The following EPHA6 variants were observed in gnomAD, a reference collection of about 807,000 sequenced individuals.
EPHA6 encodes the protein ephrin type-A receptor 6.
A neutral mutation model predicts 112.0 loss-of-function variants in EPHA6; 50 were observed. That is an observed-to-expected ratio of 0.45 (90% CI 0.36 to 0.56). EPHA6 has a LOEUF of 0.56. Among genes scored for constraint, EPHA6 ranks in the 20% least tolerant of loss-of-function variants. The pLI is 0.00. For missense variants in EPHA6, 1,280 were observed against 1,417.4 expected (o/e 0.90, Z 1.56); for synonymous variants, 529 against 490.7 (o/e 1.08, Z -1.03).
Position 97,662,917 on chromosome 3 carries a change from G to C in EPHA6, c.2784+24835G>C, listed in dbSNP as rs1323137612. ...AACAGTCAGCACTCAGGGCCTTGTC[G>C]AGGCCACCCTAAAGCCTGCTGGAAC... On this transcript the variant is annotated intron_variant, in intron 14 of 17. Transcript: ENST00000389672. Among the ~76,000 whole-genome samples the C allele has an allele frequency of 2.0e-5, 3 of 152,242 alleles. No homozygotes were observed. In the South Asian group the frequency reaches 6.2e-4, roughly 32 times the overall value.
intron 3 of EPHA6, among the ~76,000 whole-genome samples, chr3:97,027,747 C>G (rs2044692198): frequency 1.3e-5 from 2 of 152,130 alleles, no homozygotes; most frequent in South Asian, 4.1e-4. Flanking sequence ...AGTTTCTTTC[C>G]CAGGGGCATA....
intron 3 of EPHA6, among the ~76,000 whole-genome samples, chr3:97,017,671 T>A (rs1219021213): frequency 2.6e-5 from 4 of 152,180 alleles, no homozygotes; most frequent in Non-Finnish European, 5.9e-5. Flanking sequence ...GTATTGGAGC[T>A]CCATTGTACG....
chr3:97,327,923 GCATATATA>G (rs2082531227), intron 5 of EPHA6, among the ~76,000 whole-genome samples: 1 of 119,300 alleles, frequency 8.4e-6, no homozygotes, highest in African/African-American at 5.1e-5. Flanking sequence ...ATGTATATGT[GCATATATA>G]TGTATATGTG....
At chr3:97,289,429 T>C (rs1446836453) in intron 5 of EPHA6, among the ~76,000 whole-genome samples, 1 of 152,160 alleles carries the variant, frequency 6.6e-6, no homozygotes, top group Non-Finnish European at 1.5e-5. Context: ...TTCTGTTCCA[T>C]TGGTCTTTGT....
intron 3 of EPHA6, among the ~76,000 whole-genome samples, chr3:97,030,391 G>T (rs1032526187): frequency 6.6e-6 from 1 of 152,060 alleles, no homozygotes; most frequent in Admixed American, 6.6e-5. Flanking sequence ...CTACCTAGAA[G>T]CTAGCCTATT....
intron 3 of EPHA6, among the ~76,000 whole-genome samples, chr3:97,065,373 C>T (rs967777674): frequency 7.9e-5 from 12 of 152,078 alleles, no homozygotes; most frequent in African/African-American, 2.7e-4. Flanking sequence ...GGCAAAGAGT[C>T]TTTCTTCAGA....
chr3:97,667,595 T>C (rs1433538266), intron 14 of EPHA6, among the ~76,000 whole-genome samples: 2 of 152,214 alleles, frequency 1.3e-5, no homozygotes, highest in Non-Finnish European at 2.9e-5. Context: ...TAATTTAAAC[T>C]GTAGAAAAAT....
intron 10 of EPHA6, among the ~76,000 whole-genome samples, chr3:97,524,643 A>G (rs1452194902): frequency 1.3e-5 from 2 of 151,936 alleles, no homozygotes; most frequent in Non-Finnish European, 2.9e-5. Context: ...TCCCTTAAGC[A>G]TTTCTTATAA....
chr3:97,523,808 T>C (rs890543682), intron 10 of EPHA6, among the ~76,000 whole-genome samples: 1 of 151,998 alleles, frequency 6.6e-6, no homozygotes, highest in Non-Finnish European at 1.5e-5. Flanking sequence ...AATGACCTGC[T>C]TTTTCTCTTT....
intron 5 of EPHA6, among the ~76,000 whole-genome samples, chr3:97,327,628 CCT>C (rs1240208086): frequency 1.3e-5 from 2 of 151,808 alleles, no homozygotes; most frequent in Non-Finnish European, 2.9e-5. Flanking sequence ...CTCTTCATCC[CCT>C]CTCTTCTGTC....
intron 3 of EPHA6, among the ~76,000 whole-genome samples, chr3:97,204,223 ATAGT>A (rs965922084): frequency 6.6e-6 from 1 of 152,108 alleles, no homozygotes; most frequent in Admixed American, 6.6e-5. Context: ...CATTCTCCAA[ATAGT>A]TAATTAATTT....
chr3:97,294,277 C>G (rs2080800252), intron 5 of EPHA6, among the ~76,000 whole-genome samples: 1 of 152,242 alleles, frequency 6.6e-6, no homozygotes. Context: ...GCCTCCCCCA[C>G]TTCAGCCAGC....
intron 11 of EPHA6, among the ~76,000 whole-genome samples, chr3:97,544,807 G>A (rs965608547): frequency 6.6e-6 from 1 of 151,958 alleles, no homozygotes; most frequent in Non-Finnish European, 1.5e-5. Context: ...ACTTCTTCCT[G>A]GTTTAGTCTT....
intron 2 of EPHA6, among the ~76,000 whole-genome samples, chr3:96,897,366 G>A (rs909314511): frequency 2.0e-5 from 3 of 152,090 alleles, no homozygotes; most frequent in Admixed American, 1.3e-4. Flanking sequence ...ATCTTGGTAG[G>A]TGCTAACACC....
chr3:97,008,190 G>A (rs1299409220), intron 3 of EPHA6, among the ~76,000 whole-genome samples: 1 of 152,190 alleles, frequency 6.6e-6, no homozygotes, highest in Non-Finnish European at 1.5e-5. Context: ...ATAATATCCT[G>A]AAGTGTGTTT....
In EPHA6 at chr3:97,757,522, A is replaced by G. The variant is rs1473053885; in HGVS notation, c.*8821A>G. 6.6e-6 allele frequency among the ~76,000 whole-genome samples: 1 copy of G among 151,712 alleles called. No homozygotes were observed. On this transcript the variant is annotated 3_prime_UTR_variant, in exon 18 of 18. Coordinates refer to ENST00000389672, the MANE Select transcript of EPHA6 (RefSeq NM_001080448.3). Reference sequence around the variant, plus strand: ...ATAATACATTGAATATTGGACTGCCATAGCACTTTAAACATATTAATAAAT... The same window carrying G: ...ATAATACATTGAATATTGGACTGCCGTAGCACTTTAAACATATTAATAAAT...
intron 6 of EPHA6, among the ~76,000 whole-genome samples, chr3:97,443,359 C>CAAAAA (rs5851066): frequency 1.0e-4 from 7 of 68,214 alleles, no homozygotes; most frequent in African/African-American, 3.6e-4. Context: ...TAAGACATCG[C>CAAAAA]AAAAAAAAAA....
chr3:97,080,960 C>G (rs1001610199), intron 3 of EPHA6, among the ~76,000 whole-genome samples: 1 of 151,862 alleles, frequency 6.6e-6, no homozygotes, highest in Non-Finnish European at 1.5e-5. Context: ...AAAGTAATGA[C>G]TCACTCTTTT....
intron 14 of EPHA6, among the ~76,000 whole-genome samples, chr3:97,711,003 G>T (rs1400067929): frequency 6.6e-6 from 1 of 152,194 alleles, no homozygotes; most frequent in Non-Finnish European, 1.5e-5. Context: ...GATAGATGGT[G>T]TATCAGTCAG....
Sources: gnomAD v4.1 joint callset for allele counts (sites outside exome capture counted in the v4.1 genomes callset) on GRCh38, gnomAD v4.1.1 for gene constraint, MANE v1.5 for transcripts, NCBI Gene and HGNC (gene_info 2026-07-23, HGNC 2026-07-21) for gene names.